The following SLC33A2 variants were observed in gnomAD, a reference collection of about 807,000 sequenced individuals.
The protein encoded by SLC33A2 is solute carrier family 33 member 2, also known as major facilitator superfamily domain containing 3.
chr8:144,510,977 C>T, the SLC33A2 span: 1 of 1,599,724 alleles, frequency 6.3e-7, no homozygotes, highest in Non-Finnish European at 8.5e-7. Flanking sequence ...GACCGTGACC[C>T]CCACCCCCCT....
At chr8:144,510,305 G>A in the SLC33A2 span, 24 of 1,601,212 alleles carry the variant, frequency 1.5e-5, no homozygotes, top group Non-Finnish European at 1.9e-5. Context: ...TGGGGAGAAG[G>A]GAGGTGGGGG....
chr8:144,511,126 G>A, the SLC33A2 span: 19 of 1,610,582 alleles, frequency 1.2e-5, no homozygotes, highest in Admixed American at 5.0e-5. Context: ...TGCCTTTCCC[G>A]TTCTGTACCT....
At chr8:144,509,774 C>T in the SLC33A2 span, 1 of 1,557,646 alleles carries the variant, frequency 6.4e-7, no homozygotes, top group African/African-American at 1.4e-5. Context: ...AGCTGGGGGC[C>T]GCGCTAGCTG....
the SLC33A2 span, chr8:144,510,915 T>C: frequency 6.2e-7 from 1 of 1,602,926 alleles, no homozygotes; most frequent in South Asian, 1.1e-5. Flanking sequence ...TGAGTAGATG[T>C]AGCAGGGACA....
At chr8:144,510,351 C>G in the SLC33A2 span, 1 of 1,611,464 alleles carries the variant, frequency 6.2e-7, no homozygotes, top group Admixed American at 1.7e-5. Flanking sequence ...GCCCCCCCCA[C>G]CACCCAAGGT....
At chr8:144,510,988 C>T in the SLC33A2 span, 1 of 1,600,310 alleles carries the variant, frequency 6.2e-7, no homozygotes. Flanking sequence ...CCACCCCCCT[C>T]AGGCCACACA....
chr8:144,509,744 C>T, the SLC33A2 span: 1 of 1,567,250 alleles, frequency 6.4e-7, no homozygotes, highest in African/African-American at 1.3e-5. Context: ...CGGGCAATAC[C>T]GTGCAGGTGG....
chr8:144,509,269 G>A, the SLC33A2 span: 37 of 1,406,100 alleles, frequency 2.6e-5, no homozygotes, highest in South Asian at 9.2e-5. Context: ...ACGCGGAGGG[G>A]ACCTCGCCTT....
the SLC33A2 span, chr8:144,510,194 C>CT: frequency 7.7e-7 from 1 of 1,297,138 alleles, no homozygotes; most frequent in South Asian, 1.4e-5. Flanking sequence ...GCCCCCAGCT[C>CT]TAGCCCCATC....
chr8:144,509,356 T>A, the SLC33A2 span: 1 of 1,475,058 alleles, frequency 6.8e-7, no homozygotes. Context: ...TTGCTGCCGC[T>A]GGCCGGCCTC....
At chr8:144,510,418 TC>T in the SLC33A2 span, 4 of 1,612,788 alleles carry the variant, frequency 2.5e-6, no homozygotes, top group East Asian at 8.9e-5. Flanking sequence ...GCGTTTCTGC[TC>T]CCGAGTTGGG....
At chr8:144,510,870 G>A in the SLC33A2 span, 2 of 1,608,946 alleles carry the variant, frequency 1.2e-6, no homozygotes, top group Non-Finnish European at 8.5e-7. Flanking sequence ...CTGGGATGAT[G>A]CGCTGCAGCC....
At chr8:144,510,705 C>G in the SLC33A2 span, 13 of 1,576,298 alleles carry the variant, frequency 8.2e-6, no homozygotes, top group Admixed American at 2.0e-4. Flanking sequence ...AGCATGGACG[C>G]TGGCACAATC....
the SLC33A2 span, chr8:144,510,627 T>C: frequency 6.4e-7 from 1 of 1,569,520 alleles, no homozygotes; most frequent in Admixed American, 1.8e-5. Flanking sequence ...AGGTCGGTGC[T>C]GCGCTTCCGC....
chr8:144,509,978 CGTGTGGACGGCAGGCTTT>C, the SLC33A2 span: 3 of 1,596,086 alleles, frequency 1.9e-6, no homozygotes, highest in African/African-American at 2.7e-5. Context: ...TGCCGGGGAC[CGTGTGGACGGCAGGCTTT>C]GTGCTCACCT....
the SLC33A2 span, chr8:144,510,999 C>G: frequency 3.1e-6 from 5 of 1,601,030 alleles, no homozygotes; most frequent in Non-Finnish European, 4.2e-6. Context: ...AGGCCACACA[C>G]TACAGCCTTC....
At chr8:144,510,612 T>C in the SLC33A2 span, 15 of 1,579,808 alleles carry the variant, frequency 9.5e-6, no homozygotes, top group Middle Eastern at 1.7e-4. Context: ...CTGCTGCCTC[T>C]GTTGAGGTCG....
the SLC33A2 span, chr8:144,509,782 C>T: frequency 6.4e-7 from 1 of 1,554,222 alleles, no homozygotes. Flanking sequence ...GCCGCGCTAG[C>T]TGGGGGCGCG....
the SLC33A2 span, chr8:144,510,293 G>C: frequency 6.3e-7 from 1 of 1,593,492 alleles, no homozygotes; most frequent in Admixed American, 1.7e-5. Flanking sequence ...TGAGGGCCCA[G>C]GTGGGGAGAA....
Sources: gnomAD v4.1 joint callset for allele counts on GRCh38, gnomAD v4.1.1 for gene constraint, MANE v1.5 for transcripts, NCBI Gene and HGNC (gene_info 2026-07-23, HGNC 2026-07-21) for gene names.